The following FRRS1L variants were observed in gnomAD, a reference collection of about 807,000 sequenced individuals.
FRRS1L encodes the protein ferric chelate reductase 1 like, also known as DOMON domain-containing protein FRRS1L.
FRRS1L carries 22 observed loss-of-function variants against 28.6 expected under a neutral mutation model. The ratio of observed to expected loss-of-function variants is 0.77; its 90% CI spans 0.55 to 1.10. The LOEUF (loss-of-function observed/expected upper bound fraction) is 1.10. FRRS1L is among the 50% of genes least tolerant of loss of function. FRRS1L has a pLI of 0.00. For missense variants in FRRS1L, 380 were observed against 386.9 expected, an observed-to-expected ratio of 0.98 and a Z score of 0.15; for synonymous variants, 158 against 151.4, an observed-to-expected ratio of 1.04 and a Z score of -0.32.
At chr9:109,143,460 C>T (rs566272897) in intron 3 of FRRS1L, among the ~76,000 whole-genome samples, 1 of 151,702 alleles carries the variant, frequency 6.6e-6, no homozygotes, top group Admixed American at 6.6e-5. Context: ...GAACCTAAAA[C>T]TGCTGTAAAA....
chr9:109,149,499 C>A lies in FRRS1L; in HGVS notation c.323+137G>T, dbSNP rs539120923. The A allele has an allele frequency of 5.2e-5, 31 of 601,642 alleles. No individual in the cohort carries two copies. In the South Asian group the frequency reaches 6.6e-4, roughly 13 times the overall value. The allele number at this position is 601,642 out of a possible 1,614,324, so 37.3% of individuals were successfully genotyped here. A position where few individuals can be genotyped will look rare whatever the true frequency, so the allele number is the denominator to read the frequency against. ...AGACTGAAAAGCGGGATGGCCGTTA[C>A]GAAACTTCATAACCCTGCTGAGGTG... On this transcript the variant is annotated intron_variant, in intron 2 of 4. Coordinates refer to ENST00000561981, the MANE Select transcript of FRRS1L (RefSeq NM_014334.4).
intron 1 of FRRS1L, chr9:109,152,333 A>T (rs1487716326): frequency 6.6e-6 from 1 of 151,870 alleles, no homozygotes; most frequent in Admixed American, 6.6e-5. Flanking sequence ...TATTTTTTGT[A>T]GAGACGGGGT....
intron 1 of FRRS1L, among the ~76,000 whole-genome samples, chr9:109,162,425 T>TC (rs2118513510): frequency 6.6e-6 from 1 of 152,334 alleles, no homozygotes; most frequent in South Asian, 2.1e-4. Flanking sequence ...CTTTATCCAT[T>TC]AAGTCCATCA....
intron 3 of FRRS1L, 62 bp from the exon 4 acceptor site, chr9:109,141,651 CT>C (rs1831188693): frequency 9.2e-6 from 14 of 1,523,154 alleles, no homozygotes; most frequent in Middle Eastern, 1.7e-4. Flanking sequence ...ACACTGGTCA[CT>C]AGAAATATAC....
Position 109,137,545 on chromosome 9 carries a change from C to T in FRRS1L, c.792G>A (p.Met264Ile), listed in dbSNP as rs1831128210. ...VSIYKYEDIF[M>I]PSAAYQTFSS... ...AGAAGGTTTGATAGGCAGCTGATGG[C>T]ATAAAAATGTCTTCATACTTGTAAA... The change falls in exon 5 of 5, where the codon ATG becomes ATA. Residue 264 changes from methionine (M) to isoleucine (I), a missense_variant. Physicochemically the swap from Met to Ile is conservative, Grantham distance 10. Transcript: ENST00000561981. The T allele has an allele frequency of 6.2e-7, 1 of 1,613,152 alleles. No individual in the cohort carries two copies. Among genetic ancestry groups the T allele is most frequent in the Non-Finnish European group, 8.5e-7 (1 of 1,179,368 alleles).
At chr9:109,147,028 T>G (rs1478652186) in intron 3 of FRRS1L, 23 bp downstream of exon 3, 1 of 1,609,136 alleles carries the variant, frequency 6.2e-7, no homozygotes, top group African/African-American at 1.3e-5. Flanking sequence ...AAAAATCAGC[T>G]TCTATCATGT....
Position 109,133,422 on chromosome 9 carries a change from C to T in FRRS1L, c.*4033G>A, listed in dbSNP as rs1224130724. On this transcript the variant is annotated 3_prime_UTR_variant, in exon 5 of 5. Transcript: ENST00000561981. Reference sequence around the variant, plus strand: ...AAGTCCTCCAATTAATTGTAAATTACTAAATGGGGGAAAAAAGGCACCTAG... The same window carrying T: ...AAGTCCTCCAATTAATTGTAAATTATTAAATGGGGGAAAAAAGGCACCTAG... 2 of 152,154 alleles carry T rather than the reference C, an allele frequency of 1.3e-5. No homozygotes were observed. The highest frequency in any genetic ancestry group is 2.9e-5 in the Non-Finnish European group (2 of 68,032). 9.4% of individuals were successfully genotyped at this position (152,154 alleles called of 1,614,324 possible). A position where few individuals can be genotyped will look rare whatever the true frequency, so the allele number is the denominator to read the frequency against.
Position 109,137,192 on chromosome 9 carries a change from T to G in FRRS1L, c.*263A>C. The G allele has an allele frequency of 4.7e-6, 1 of 212,388 alleles. No homozygotes were observed. The highest frequency in any genetic ancestry group is 9.3e-5 in the East Asian group (1 of 10,716). The allele number at this position is 212,388 out of a possible 1,614,324, so 13.2% of individuals were successfully genotyped here. On this transcript the variant is annotated 3_prime_UTR_variant, in exon 5 of 5. Coordinates refer to ENST00000561981, the MANE Select transcript of FRRS1L (RefSeq NM_014334.4). ...CAATCACAATTTTCATCAATCCAACTCAGAGATGTTGTGAAGTTAAATAAG... is the reference window on the plus strand; with the variant it reads ...CAATCACAATTTTCATCAATCCAACGCAGAGATGTTGTGAAGTTAAATAAG...
intron 1 of FRRS1L, among the ~76,000 whole-genome samples, chr9:109,163,845 C>T (rs914827444): frequency 1.3e-5 from 2 of 152,206 alleles, no homozygotes; most frequent in African/African-American, 4.8e-5. Flanking sequence ...TCACTTGCCA[C>T]GTCCTCCAAG....
At chr9:109,145,768 A>G (rs1316811993) in intron 3 of FRRS1L, among the ~76,000 whole-genome samples, 1 of 152,112 alleles carries the variant, frequency 6.6e-6, no homozygotes, top group Non-Finnish European at 1.5e-5. Flanking sequence ...GGATTGCTGA[A>G]CAGATGGAGG....
intron 2 of FRRS1L, 64 bp from the exon 3 acceptor site, chr9:109,147,253 C>A: frequency 7.4e-7 from 1 of 1,350,036 alleles, no homozygotes. Context: ...AAGAGAGCAT[C>A]TACCATGTAT....
At position 109,134,303 on chromosome 9, in the gene FRRS1L, G is replaced by C. The variant is rs1270194157; in HGVS notation, c.*3152C>G. ...ATTAGGGAGATAACAAGGAGGACAA[G>C]CCAGCAATTCTAGAAAAGTATAACG... On this transcript the variant is annotated 3_prime_UTR_variant, in exon 5 of 5. Coordinates refer to ENST00000561981, the MANE Select transcript of FRRS1L (RefSeq NM_014334.4). 1.3e-5 allele frequency: 2 copies of C among 152,254 alleles called. No individual in the cohort carries two copies. The highest frequency in any genetic ancestry group is 2.9e-5 in the Non-Finnish European group (2 of 68,074). 9.4% of individuals were successfully genotyped at this position (152,254 alleles called of 1,614,324 possible).
rs1459211303 is a variant in FRRS1L, at chr9:109,135,022, C to A, written c.*2433G>T. On this transcript the variant is annotated 3_prime_UTR_variant, in exon 5 of 5. Transcript: ENST00000561981. ...CACTTGATGTCATTTAATTTCTCCC[C>A]ATCTGCAATGAACAGAATTTCTCCT... 2.0e-5 allele frequency: 3 copies of A among 152,164 alleles called. No homozygotes were observed. The highest frequency in any genetic ancestry group is 7.2e-5 in the African/African-American group (3 of 41,444). The allele number at this position is 152,164 out of a possible 1,614,324, so 9.4% of individuals were successfully genotyped here. A position where few individuals can be genotyped will look rare whatever the true frequency, so the allele number is the denominator to read the frequency against.
chr9:109,155,002 G>A (rs528069951), intron 1 of FRRS1L, among the ~76,000 whole-genome samples: 61 of 152,240 alleles, frequency 4.0e-4, no homozygotes, highest in Middle Eastern at 3.4e-3. Context: ...TACCTTACAC[G>A]ATAATTACCA....
At chr9:109,145,700 C>A (rs539938320) in intron 3 of FRRS1L, among the ~76,000 whole-genome samples, 2 of 150,150 alleles carry the variant, frequency 1.3e-5, no homozygotes, top group African/African-American at 2.5e-5. Context: ...GGCAACAGAG[C>A]GAGACTCTGT....
chr9:109,159,665 A>C (rs1831456858), intron 1 of FRRS1L, among the ~76,000 whole-genome samples: 1 of 152,210 alleles, frequency 6.6e-6, no homozygotes, highest in Non-Finnish European at 1.5e-5. Context: ...CTCAACAACA[A>C]CAACAACCAA....
chr9:109,158,191 T>G (rs1006402788), intron 1 of FRRS1L, among the ~76,000 whole-genome samples: 1 of 152,180 alleles, frequency 6.6e-6, no homozygotes, highest in African/African-American at 2.4e-5. Flanking sequence ...GTAAAAAATT[T>G]TTCAGTTTTT....
chr9:109,156,123 TAG>T (rs1299638022), intron 1 of FRRS1L, among the ~76,000 whole-genome samples: 1 of 152,166 alleles, frequency 6.6e-6, no homozygotes, highest in African/African-American at 2.4e-5. Flanking sequence ...GCCGGCACAC[TAG>T]AGAGTCTGGG....
chr9:109,160,658 C>T (rs995547407), intron 1 of FRRS1L, among the ~76,000 whole-genome samples: 2 of 151,948 alleles, frequency 1.3e-5, no homozygotes, highest in Non-Finnish European at 1.5e-5. Flanking sequence ...TGAGCCACTG[C>T]ACCTGACCAC....
Sources: gnomAD v4.1 joint callset for allele counts (sites outside exome capture counted in the v4.1 genomes callset) on GRCh38, gnomAD v4.1.1 for gene constraint, MANE v1.5 for transcripts, NCBI Gene and HGNC (gene_info 2026-07-23, HGNC 2026-07-21) for gene names.